Variants in RANBP6 observed in about 807,000 individuals in gnomAD.
RANBP6 encodes the protein RAN binding protein 6, also known as ran-binding protein 6.
In RANBP6, 10 loss-of-function variants were observed where a neutral mutation model predicts 35.3. That is an observed-to-expected ratio of 0.28 (90% CI 0.17 to 0.48). The LOEUF (loss-of-function observed/expected upper bound fraction) is 0.48, where lower values mean the gene tolerates loss of function less well. RANBP6 is among the 20% of genes least tolerant of loss of function. The pLI is 0.99. For missense variants in RANBP6, 1,392 were observed against 1,307.7 expected (o/e 1.06, Z -0.99); for synonymous variants, 514 against 464.2 (o/e 1.11, Z -1.38).
chr9:6,012,711 G>C lies in RANBP6; in HGVS notation c.2897C>G (p.Ala966Gly). Residue 966 changes from alanine to glycine, a missense_variant, in exon 1 of 1, where the codon GCA (alanine) becomes GGA (glycine). Coordinates refer to ENST00000259569, the MANE Select transcript of RANBP6 (RefSeq NM_012416.4). The part of the protein sequence containing the change: ...VPLLVKVIKC[A>G]NSKTKKNVIA... The stretch of plus-strand genomic sequence containing the variant: ...GACATTTTTTTTGGTTTTGGAATTT[G>C]CACACTTAATAACTTTTACCAGAAG... 6.2e-7 allele frequency: 1 copy of C among 1,613,772 alleles called. No individual in the cohort carries two copies. Among genetic ancestry groups the C allele is most frequent in the Non-Finnish European group, 8.5e-7 (1 of 1,179,928 alleles).
At position 6,013,808 on chromosome 9, in the gene RANBP6, A is replaced by T. The variant is rs748117172; in HGVS notation, c.1800T>A (p.Asn600Lys). The change falls in exon 1 of 1, where the codon AAT becomes AAA. Residue 600 changes from asparagine to lysine, a missense_variant. Physicochemically the swap from Asn to Lys is moderately conservative, Grantham distance 94. Transcript: ENST00000259569. ...TCTGAGGGTCATCATCTTCCATATT[A>T]TTTAAGTCTGATTGTGTCTTCAACA... ...QLLLKTQSDLNNMEDDDPQTS... is the reference protein window; with the variant it reads ...QLLLKTQSDLKNMEDDDPQTS... The T allele has an allele frequency of 1.2e-6, 2 of 1,613,934 alleles. No homozygotes were observed. Among genetic ancestry groups the T allele is most frequent in the Non-Finnish European group, 1.7e-6 (2 of 1,180,022 alleles).
Position 6,012,921 on chromosome 9 carries a change from A to C in RANBP6, c.2687T>G (p.Phe896Cys). Residue 896 changes from phenylalanine to cysteine, a missense_variant, in exon 1 of 1, where the codon TTT becomes TGT. Coordinates refer to ENST00000259569, the MANE Select transcript of RANBP6 (RefSeq NM_012416.4). ...WPDRQWGLCIFDDIIEHCSPT... is the reference protein window; with the variant it reads ...WPDRQWGLCICDDIIEHCSPT... The stretch of plus-strand genomic sequence containing the variant: ...ACTGCAGTGCTCTATGATGTCATCA[A>C]ATATGCACAATCCCCACTGTCTGTC... The C allele has an allele frequency of 6.2e-7, 1 of 1,614,182 alleles. No individual in the cohort carries two copies. Among genetic ancestry groups the C allele is most frequent in the Non-Finnish European group, 8.5e-7 (1 of 1,180,032 alleles).
chr9:6,015,612 C>A lies in RANBP6; in HGVS notation c.-5G>T. The A allele has an allele frequency of 6.3e-7, 1 of 1,587,972 alleles. No homozygotes were observed. The highest frequency in any genetic ancestry group is 1.7e-5 in the Admixed American group (1 of 58,736). ...TGCAGACGCGGTTGCCGCCATTGCG[C>A]TCTGTCAAAGCTACCGCGACCGGGA... On this transcript the variant is annotated 5_prime_UTR_variant, in exon 1 of 1. Coordinates refer to ENST00000259569, the MANE Select transcript of RANBP6 (RefSeq NM_012416.4).
At position 6,014,447 on chromosome 9, in the gene RANBP6, T is replaced by C; in HGVS notation, c.1161A>G (p.Leu387=). ...CTTCTCCAATGGCAGATAAGGCCAT[T>C]AATCCAGCATGTCGATACTTCCAGT... ...SPDWKYRHAG[L]MALSAIGEGC... is the part of the protein sequence containing the mutation. The change falls in exon 1 of 1, where the codon TTA becomes TTG. Residue 387 remains leucine, a synonymous_variant. Coordinates refer to ENST00000259569, the MANE Select transcript of RANBP6 (RefSeq NM_012416.4). The C allele has an allele frequency of 6.2e-7, 1 of 1,614,220 alleles. No individual in the cohort carries two copies.
Position 6,013,865 on chromosome 9 carries a change from A to C in RANBP6, c.1743T>G (p.Phe581Leu). ...HIGLAVGKEKFMQDASNVMQL... is the reference protein window; with the variant it reads ...HIGLAVGKEKLMQDASNVMQL... ...GCATCACATTTGATGCATCTTGCAT[A>C]AATTTTTCCTTCCCAACAGCAAGAC... Residue 581 changes from phenylalanine to leucine, a missense_variant, in exon 1 of 1, where the codon TTT (phenylalanine) becomes TTG (leucine). Physicochemically the swap from Phe to Leu is conservative, Grantham distance 22. Coordinates refer to ENST00000259569, the MANE Select transcript of RANBP6 (RefSeq NM_012416.4). The C allele has an allele frequency of 6.2e-7, 1 of 1,613,924 alleles. No individual in the cohort carries two copies. Among genetic ancestry groups the C allele is most frequent in the Non-Finnish European group, 8.5e-7 (1 of 1,179,956 alleles).
chr9:6,014,269 G>T lies in RANBP6; in HGVS notation c.1339C>A (p.His447Asn). ...DFAPNFQKKF[H>N]ETVIAALLRT... ...AACAGAGCTGCAATCACTGTTTCATGAAATTTCTTTTGGAAATTAGGTGCA... is the reference window on the plus strand; with the variant it reads ...AACAGAGCTGCAATCACTGTTTCATTAAATTTCTTTTGGAAATTAGGTGCA... Residue 447 changes from histidine to asparagine, a missense_variant, in exon 1 of 1, where the codon CAT (histidine) becomes AAT (asparagine). Physicochemically the swap from His to Asn is moderately conservative, Grantham distance 68 (BLOSUM62 1). Transcript: ENST00000259569. 6.2e-7 allele frequency: 1 copy of T among 1,614,210 alleles called. No individual in the cohort carries two copies. The highest frequency in any genetic ancestry group is 8.5e-7 in the Non-Finnish European group (1 of 1,180,022).
At position 6,015,080 on chromosome 9, in the gene RANBP6, A is replaced by C; in HGVS notation, c.528T>G (p.His176Gln). ...FPGIFGTQERHDLDIIKRLLD... is the reference protein window; with the variant it reads ...FPGIFGTQERQDLDIIKRLLD... The stretch of plus-strand genomic sequence containing the variant: ...ACAACCGTTTGATGATATCCAAATC[A>C]TGCCGCTCTTGGGTCCCAAAAATCC... Residue 176 changes from histidine to glutamine, a missense_variant, in exon 1 of 1, where the codon CAT becomes CAG. His to Gln is a conservative substitution (Grantham distance 24). Coordinates refer to ENST00000259569, the MANE Select transcript of RANBP6 (RefSeq NM_012416.4). 1.2e-6 allele frequency: 2 copies of C among 1,614,176 alleles called. No homozygotes were observed. Among genetic ancestry groups the C allele is most frequent in the Non-Finnish European group, 1.7e-6 (2 of 1,180,046 alleles).
Position 6,013,940 on chromosome 9 carries a change from C to T in RANBP6, c.1668G>A (p.Lys556=), listed in dbSNP as rs1321176905. The change falls in exon 1 of 1, where the codon AAG becomes AAA. Residue 556 remains lysine (K), a synonymous_variant. Transcript: ENST00000259569. Reference sequence around the variant, plus strand: ...TTTTTCCTCTCAGAAGCTTGAGTTCCTTCTGAACAGCAAGCTCAACAATGT... The same window carrying T: ...TTTTTCCTCTCAGAAGCTTGAGTTCTTTCTGAACAGCAAGCTCAACAATGT... ...LKHIVELAVQ[K]ELKLLRGKTI... The T allele has an allele frequency of 6.2e-7, 1 of 1,613,836 alleles. No individual in the cohort carries two copies. The highest frequency in any genetic ancestry group is 8.5e-7 in the Non-Finnish European group (1 of 1,180,030).
In RANBP6 at chr9:6,014,968, T is replaced by G. The variant is rs1024530641; in HGVS notation, c.640A>C (p.Asn214His). 10 of 1,614,180 alleles carry G rather than the reference T, an allele frequency of 6.2e-6. No individual in the cohort carries two copies. The highest frequency in any genetic ancestry group is 8.5e-6 in the Non-Finnish European group (10 of 1,180,042). Reference protein sequence around the residue: ...AAAAFVLANENNIALFKDFAD... With the variant: ...AAAAFVLANEHNIALFKDFAD... Reference sequence around the variant, plus strand: ...AAGTCTTTGAAAAGAGCAATATTATTCTCATTAGCAAGTACAAATGCAGCT... The same window carrying G: ...AAGTCTTTGAAAAGAGCAATATTATGCTCATTAGCAAGTACAAATGCAGCT... The change falls in exon 1 of 1, where the codon AAT becomes CAT. Residue 214 changes from asparagine (N) to histidine (H), a missense_variant. Asn to His is a moderately conservative substitution (Grantham distance 68, BLOSUM62 1). Transcript: ENST00000259569.
chr9:6,015,317 G>C lies in RANBP6; in HGVS notation c.291C>G (p.Val97=). 1 of 1,614,158 alleles carries C rather than the reference G, an allele frequency of 6.2e-7. No homozygotes were observed. The highest frequency in any genetic ancestry group is 8.5e-7 in the Non-Finnish European group (1 of 1,180,042). ...PNLPADVQRD[V]KIELILAVKL... The stretch of plus-strand genomic sequence containing the variant: ...TAACAGCCAGAATCAGTTCAATCTT[G>C]ACATCTCTCTGAACATCAGCAGGCA... Residue 97 remains valine, a synonymous_variant, in exon 1 of 1, where the codon GTC becomes GTG. Transcript: ENST00000259569.
In RANBP6 at chr9:6,014,146, G is replaced by C. The variant is rs770169357; in HGVS notation, c.1462C>G (p.Leu488Val). ...TTTTTCACCATACTATCCACATATAGAACTAGCAATGATTTAGGGCAGTCT... is the reference window on the plus strand; with the variant it reads ...TTTTTCACCATACTATCCACATATACAACTAGCAATGATTTAGGGCAGTCT... Reference protein sequence around the residue: ...IEDCPKSLLVLYVDSMVKNLH... With the variant: ...IEDCPKSLLVVYVDSMVKNLH... The change falls in exon 1 of 1, where the codon CTA becomes GTA. Residue 488 changes from leucine (L) to valine (V), a missense_variant. By Grantham distance (32) the Leu-to-Val change is conservative. Transcript: ENST00000259569. 1 of 1,613,758 alleles carries C rather than the reference G, an allele frequency of 6.2e-7. No homozygotes were observed. Among genetic ancestry groups the C allele is most frequent in the Non-Finnish European group, 8.5e-7 (1 of 1,179,990 alleles).
rs1322034169 is a variant in RANBP6, at chr9:6,013,401, G to C, written c.2207C>G (p.Pro736Arg). 6.2e-7 allele frequency: 1 copy of C among 1,614,072 alleles called. No individual in the cohort carries two copies. The highest frequency in any genetic ancestry group is 1.3e-5 in the African/African-American group (1 of 74,928). Residue 736 changes from proline to arginine, a missense_variant, in exon 1 of 1, where the codon CCT (proline) becomes CGT (arginine). Transcript: ENST00000259569. The stretch of plus-strand genomic sequence containing the variant: ...AATTCTTGCACATTCCAGGAGAAAA[G>C]GCATGGACTCTGCTGCTGCCACTCG... ...NVRVAAAESM[P>R]FLLECARIRG... is the part of the protein sequence containing the mutation.
rs1360303015 is a variant in RANBP6 at position 6,011,735 on chromosome 9, G to C, written c.*555C>G. On this transcript the variant is annotated 3_prime_UTR_variant, in exon 1 of 1. Coordinates refer to ENST00000259569, the MANE Select transcript of RANBP6 (RefSeq NM_012416.4). ...CTACAATATGGATATGTCCTACCCA[G>C]TTCCCAGGAGTACATTATGAAGAAG... The C allele has an allele frequency of 6.6e-6, 1 of 152,278 alleles. No individual in the cohort carries two copies. The highest frequency in any genetic ancestry group is 1.5e-5 in the Non-Finnish European group (1 of 68,118). 9.4% of individuals were successfully genotyped at this position (152,278 alleles called of 1,614,324 possible).
At position 6,014,300 on chromosome 9, in the gene RANBP6, T is replaced by G. The variant is rs1399235468; in HGVS notation, c.1308A>C (p.Thr436=). 1 of 1,614,246 alleles carries G rather than the reference T, an allele frequency of 6.2e-7. No individual in the cohort carries two copies. The highest frequency in any genetic ancestry group is 1.6e-4 in the Middle Eastern group (1 of 6,062). ...AACTTLGQMA[T]DFAPNFQKKF... ...TCTTTTGGAAATTAGGTGCAAAATC[T>G]GTAGCCATCTGTCCAAGTGTAGTAC... The change falls in exon 1 of 1, where the codon ACA becomes ACC. Residue 436 remains threonine, a synonymous_variant. Coordinates refer to ENST00000259569, the MANE Select transcript of RANBP6 (RefSeq NM_012416.4).
Position 6,013,977 on chromosome 9 carries a change from G to A in RANBP6, c.1631C>T (p.Pro544Leu). The stretch of plus-strand genomic sequence containing the variant: ...AAGCTCAACAATGTGCTTTAGTGAG[G>A]GCATGAATATATCATAATATGGGAC... ...KFVPYYDIFMPSLKHIVELAV... is the reference protein window; with the variant it reads ...KFVPYYDIFMLSLKHIVELAV... The change falls in exon 1 of 1, where the codon CCC (proline) becomes CTC (leucine). Residue 544 changes from proline (P) to leucine (L), a missense_variant. Physicochemically the swap from Pro to Leu is moderately conservative, Grantham distance 98. Coordinates refer to ENST00000259569, the MANE Select transcript of RANBP6 (RefSeq NM_012416.4). 6.2e-7 allele frequency: 1 copy of A among 1,613,844 alleles called. No individual in the cohort carries two copies. Among genetic ancestry groups the A allele is most frequent in the Non-Finnish European group, 8.5e-7 (1 of 1,179,976 alleles).
Position 6,012,874 on chromosome 9 carries a change from C to T in RANBP6, c.2734G>A (p.Glu912Lys). The T allele has an allele frequency of 6.2e-7, 1 of 1,613,986 alleles. No individual in the cohort carries two copies. The highest frequency in any genetic ancestry group is 8.5e-7 in the Non-Finnish European group (1 of 1,179,952). ...HCSPTSFKYV[E>K]YFRWPMLLNM... ...AGTAGCATTGGCCACCGAAAATATT[C>T]TACATATTTAAATGAAGTTGGACTG... is the stretch of plus-strand genomic sequence containing the variant. Residue 912 changes from glutamate to lysine, a missense_variant, in exon 1 of 1, where the codon GAA (glutamate) becomes AAA (lysine). Physicochemically the swap from Glu to Lys is moderately conservative, Grantham distance 56. Transcript: ENST00000259569.
rs145544391 is a variant in RANBP6, at chr9:6,013,652, G to C, written c.1956C>G (p.Asp652Glu). Residue 652 changes from aspartate to glutamate, a missense_variant, in exon 1 of 1, where the codon GAC becomes GAG. Coordinates refer to ENST00000259569, the MANE Select transcript of RANBP6 (RefSeq NM_012416.4). The part of the protein sequence containing the change: ...ASAKPDVALL[D>E]TQDVENMSDD... ...CACTCATATTTTCCACATCCTGTGT[G>C]TCTAAGAGAGCAACATCAGGTTTAG... 1.2e-5 allele frequency: 19 copies of C among 1,614,094 alleles called. No homozygotes were observed. Among genetic ancestry groups the C allele is most frequent in the Non-Finnish European group, 1.5e-5 (18 of 1,180,048 alleles).
rs768524319 is a variant in RANBP6 at position 6,014,649 on chromosome 9, A to G, written c.959T>C (p.Met320Thr). ...GTCCTCATCATCTTGTAGATCAACCATCATTGCTAATATATGAGGAACTGC... is the reference window on the plus strand; with the variant it reads ...GTCCTCATCATCTTGTAGATCAACCGTCATTGCTAATATATGAGGAACTGC... ...AQAVPHILAMMVDLQDDEDWV... is the reference protein window; with the variant it reads ...AQAVPHILAMTVDLQDDEDWV... The change falls in exon 1 of 1, where the codon ATG becomes ACG. Residue 320 changes from methionine to threonine, a missense_variant. Coordinates refer to ENST00000259569, the MANE Select transcript of RANBP6 (RefSeq NM_012416.4). 3.7e-6 allele frequency: 6 copies of G among 1,614,046 alleles called. No individual in the cohort carries two copies. Among genetic ancestry groups the G allele is most frequent in the South Asian group, 3.3e-5 (3 of 91,090 alleles).
rs924928844 is a variant in RANBP6, at chr9:6,011,059, T to C, written c.*1231A>G. 5 of 152,340 alleles carry C rather than the reference T, an allele frequency of 3.3e-5. No individual in the cohort carries two copies. The highest frequency in any genetic ancestry group is 1.9e-4 in the East Asian group (1 of 5,190). 9.4% of individuals were successfully genotyped at this position (152,340 alleles called of 1,614,324 possible). ...CAACAGCAATAACAGCTACAATTTA[T>C]TGAGCACTTACTAGGTCTTAAATAT... On this transcript the variant is annotated 3_prime_UTR_variant, in exon 1 of 1. Coordinates refer to ENST00000259569, the MANE Select transcript of RANBP6 (RefSeq NM_012416.4).
Sources: gnomAD v4.1 joint callset for allele counts on GRCh38, gnomAD v4.1.1 for gene constraint, MANE v1.5 for transcripts, NCBI Gene and HGNC (gene_info 2026-07-23, HGNC 2026-07-21) for gene names.